Variants in ST6GALNAC3 observed in about 807,000 individuals in gnomAD.
ST6GALNAC3 encodes the protein alpha-N-acetylgalactosaminide alpha-2,6-sialyltransferase 3.
Under a neutral mutation model 32.7 loss-of-function variants are expected in ST6GALNAC3, and 25 were observed. That is an observed-to-expected ratio of 0.76 (90% CI 0.56 to 1.07). ST6GALNAC3 has a LOEUF of 1.07. Ranked by LOEUF, ST6GALNAC3 falls within the 50% of genes least tolerant of loss-of-function variation. The pLI is 0.00. For synonymous variants in ST6GALNAC3, 129 were observed against 133.1 expected (o/e 0.97, Z 0.21); for missense variants, 355 against 382.4 (o/e 0.93, Z 0.60).
rs573408073 is a variant in ST6GALNAC3 at position 76,535,375 on chromosome 1, A to G, written c.624-92077A>G. ...GAATTCTAGTATCACTACTGAAATT[A>G]ATAGGTTTCTTTGATGGGACAGTAA... is the stretch of plus-strand genomic sequence containing the variant. On this transcript the variant is annotated intron_variant, in intron 3 of 4. Transcript: ENST00000328299. Among the ~76,000 whole-genome samples the G allele has an allele frequency of 2.3e-3, 357 of 152,318 alleles. 1 individual carries two copies. The highest frequency in any genetic ancestry group is 8.3e-3 in the African/African-American group (345 of 41,570).
At chr1:76,618,550 TAACA>T (rs1447873206) in intron 3 of ST6GALNAC3, among the ~76,000 whole-genome samples, 2 of 152,186 alleles carry the variant, frequency 1.3e-5, no homozygotes, top group Non-Finnish European at 2.9e-5. Flanking sequence ...TTTTGCTGCA[TAACA>T]AACAATCCTG....
At chr1:76,244,568 G>C (rs147395403) in intron 1 of ST6GALNAC3, among the ~76,000 whole-genome samples, 30 of 152,282 alleles carry the variant, frequency 2.0e-4, no homozygotes, top group African/African-American at 7.2e-4. Context: ...CATTCAGTAT[G>C]ATATTGGTTA....
At chr1:76,439,416 G>T (rs369282997) in intron 3 of ST6GALNAC3, among the ~76,000 whole-genome samples, 3 of 152,182 alleles carry the variant, frequency 2.0e-5, no homozygotes, top group Non-Finnish European at 4.4e-5. Context: ...GTTTAAAAAG[G>T]TCCGGGGCTT....
At chr1:76,470,294 T>G (rs1400084172) in intron 3 of ST6GALNAC3, among the ~76,000 whole-genome samples, 5 of 152,052 alleles carry the variant, frequency 3.3e-5, no homozygotes, top group Admixed American at 3.3e-4. Context: ...ATAATATTTT[T>G]GGGTGGAAAT....
chr1:76,306,652 C>CT (rs1206671603), intron 1 of ST6GALNAC3, among the ~76,000 whole-genome samples: 1 of 139,726 alleles, frequency 7.2e-6, no homozygotes, highest in Non-Finnish European at 1.5e-5. Flanking sequence ...TTCTGAGGAA[C>CT]TTTTTTCCCA....
At chr1:76,266,850 G>C (rs1658556039) in intron 1 of ST6GALNAC3, among the ~76,000 whole-genome samples, 1 of 152,174 alleles carries the variant, frequency 6.6e-6, no homozygotes, top group African/African-American at 2.4e-5. Context: ...AGGCTCTGTG[G>C]CCACCCACAA....
intron 3 of ST6GALNAC3, among the ~76,000 whole-genome samples, chr1:76,429,038 A>T (rs1655577153): frequency 6.6e-6 from 1 of 152,140 alleles, no homozygotes; most frequent in South Asian, 2.1e-4. Context: ...AGTTTCTCAG[A>T]TTGTGTCATG....
chr1:76,108,479 C>T (rs1487727600), intron 1 of ST6GALNAC3, among the ~76,000 whole-genome samples: 1 of 152,162 alleles, frequency 6.6e-6, no homozygotes, highest in Non-Finnish European at 1.5e-5. Context: ...CAAATCAAGG[C>T]CTCTTCCATT....
At chr1:76,108,892 G>C in intron 1 of ST6GALNAC3, among the ~76,000 whole-genome samples, 1 of 106,056 alleles carries the variant, frequency 9.4e-6, no homozygotes, top group African/African-American at 3.8e-5. Flanking sequence ...GTGTGTGTGT[G>C]TGTGTGTTTC....
chr1:76,597,563 C>T (rs548854151), intron 3 of ST6GALNAC3, among the ~76,000 whole-genome samples: 1 of 152,168 alleles, frequency 6.6e-6, no homozygotes, highest in South Asian at 2.1e-4. Context: ...GTTCTACTTC[C>T]CCACAAGTTT....
At chr1:76,315,428 T>C (rs1029130687) in intron 2 of ST6GALNAC3, among the ~76,000 whole-genome samples, 40 of 152,138 alleles carry the variant, frequency 2.6e-4, no homozygotes, top group African/African-American at 9.7e-4. Flanking sequence ...ACCCTTTCAT[T>C]TCTTTAAATA....
intron 1 of ST6GALNAC3, among the ~76,000 whole-genome samples, chr1:76,216,581 A>G (rs985504517): frequency 1.3e-5 from 2 of 152,228 alleles, no homozygotes; most frequent in African/African-American, 4.8e-5. Context: ...ATATGTGGGT[A>G]CAGTGACCAC....
chr1:76,111,663 G>C (rs933040130), intron 1 of ST6GALNAC3, among the ~76,000 whole-genome samples: 1 of 149,784 alleles, frequency 6.7e-6, no homozygotes, highest in African/African-American at 2.5e-5. Context: ...CTGCCTTCAA[G>C]CATCTGTTTA....
chr1:76,139,001 T>C (rs1428399990), intron 1 of ST6GALNAC3, among the ~76,000 whole-genome samples: 1 of 152,172 alleles, frequency 6.6e-6, no homozygotes, highest in Non-Finnish European at 1.5e-5. Flanking sequence ...GAGACCATCC[T>C]GGCTAACACG....
chr1:76,446,753 G>T (rs186058690), intron 3 of ST6GALNAC3, among the ~76,000 whole-genome samples: 70 of 152,244 alleles, frequency 4.6e-4, no homozygotes, highest in Non-Finnish European at 5.4e-4. Flanking sequence ...GAGTTTCCCT[G>T]CCCAAGCTTT....
At chr1:76,626,979 C>A (rs1570482448) in intron 3 of ST6GALNAC3, among the ~76,000 whole-genome samples, 1 of 151,864 alleles carries the variant, frequency 6.6e-6, no homozygotes, top group Non-Finnish European at 1.5e-5. Flanking sequence ...ACATACACTG[C>A]ATGTAAGTTA....
At chr1:76,119,826 GATGTAATCCCTGTTTT>G (rs1648749897) in intron 1 of ST6GALNAC3, among the ~76,000 whole-genome samples, 2 of 6,584 alleles carry the variant, frequency 3.0e-4, no homozygotes, top group Non-Finnish European at 6.7e-4. Context: ...GTAATAGATA[GATGTAATCCCTGTTTT>G]ATAGGTTTGG....
chr1:76,227,409 G>A (rs1212351095), intron 1 of ST6GALNAC3, among the ~76,000 whole-genome samples: 1 of 152,090 alleles, frequency 6.6e-6, no homozygotes, highest in Non-Finnish European at 1.5e-5. Context: ...TTGTTTATTT[G>A]TCCAGTTCAA....
chr1:76,536,823 C>T (rs1663638640), intron 3 of ST6GALNAC3, among the ~76,000 whole-genome samples: 1 of 152,108 alleles, frequency 6.6e-6, no homozygotes, highest in Admixed American at 6.6e-5. Context: ...AGAGGAGCAT[C>T]CAGATTCATA....
Sources: gnomAD v4.1 joint callset for allele counts (sites outside exome capture counted in the v4.1 genomes callset) on GRCh38, gnomAD v4.1.1 for gene constraint, MANE v1.5 for transcripts, NCBI Gene and HGNC (gene_info 2026-07-23, HGNC 2026-07-21) for gene names.